Variants in BCKDHB observed in about 807,000 individuals in gnomAD.
BCKDHB encodes the protein 2-oxoisovalerate dehydrogenase subunit beta, mitochondrial.
In BCKDHB, 41 loss-of-function variants were observed where a neutral mutation model predicts 48.5. The ratio of observed to expected loss-of-function variants is 0.85; its 90% confidence interval spans 0.66 to 1.10. The LOEUF is 1.10. Among genes scored for constraint, BCKDHB ranks in the 50% least tolerant of loss-of-function variants. The probability of loss-of-function intolerance (pLI) is 0.00; values close to 1 mark genes in which losing one functional copy is unlikely to be tolerated. For synonymous variants in BCKDHB, 201 were observed against 174.8 expected, an observed-to-expected ratio of 1.15 and a Z score of -1.18; for missense variants, 496 against 494.2, an observed-to-expected ratio of 1.00 and a Z score of -0.03.
intron 8 of BCKDHB, among the ~76,000 whole-genome samples, chr6:80,221,537 A>G (rs1223549744): frequency 7.2e-5 from 11 of 151,760 alleles, no homozygotes; most frequent in African/African-American, 2.4e-4. Context: ...TAGTTTCTTT[A>G]TTGGTTTTCT....
chr6:80,149,722 A>G (rs559387643), intron 3 of BCKDHB, among the ~76,000 whole-genome samples: 6,846 of 150,528 alleles, frequency 0.045, 508 homozygotes, highest in African/African-American at 0.16. Flanking sequence ...GTAAACTATC[A>G]CAAGAACAAA....
intron 8 of BCKDHB, among the ~76,000 whole-genome samples, chr6:80,210,147 A>C (rs1021721494): frequency 2.0e-5 from 3 of 151,688 alleles, no homozygotes; most frequent in African/African-American, 4.8e-5. Flanking sequence ...AAAAAAAAAA[A>C]AAAAAAACCA....
the BCKDHB span, among the ~76,000 whole-genome samples, chr6:80,416,321 C>T: frequency 6.6e-6 from 1 of 150,810 alleles, no homozygotes; most frequent in Admixed American, 6.6e-5. Flanking sequence ...CTCCTGCTAG[C>T]TTTGGGACTT....
intron 9 of BCKDHB, among the ~76,000 whole-genome samples, chr6:80,302,477 C>A (rs577270153): frequency 1.3e-5 from 2 of 152,168 alleles, no homozygotes; most frequent in African/African-American, 4.8e-5. Context: ...CATACCTTTT[C>A]CTTTTGCAAA....
chr6:80,226,342 G>A (rs1027019077), intron 8 of BCKDHB, among the ~76,000 whole-genome samples: 1 of 152,206 alleles, frequency 6.6e-6, no homozygotes. Context: ...TCAGTAAATT[G>A]TGGTCTGTAA....
the BCKDHB span, among the ~76,000 whole-genome samples, chr6:80,379,448 A>G: frequency 6.6e-6 from 1 of 152,068 alleles, no homozygotes; most frequent in Non-Finnish European, 1.5e-5. Context: ...AACATATCTC[A>G]AAATAATAAG....
chr6:80,151,130 G>GCCT (rs1771754507), intron 3 of BCKDHB, among the ~76,000 whole-genome samples: 16 of 152,150 alleles, frequency 1.1e-4, no homozygotes, highest in African/African-American at 3.9e-4. Flanking sequence ...ATGGACTAAT[G>GCCT]GATTCACTAG....
intron 6 of BCKDHB, among the ~76,000 whole-genome samples, chr6:80,180,373 CTGGTGTAAAAAA>C (rs1416226605): frequency 6.6e-6 from 1 of 152,068 alleles, no homozygotes; most frequent in African/African-American, 2.4e-5. Flanking sequence ...AAAAATCCAG[CTGGTGTAAAAAA>C]TGTACAAAAT....
chr6:80,200,690 C>T (rs1396576553), intron 6 of BCKDHB, among the ~76,000 whole-genome samples: 1 of 151,966 alleles, frequency 6.6e-6, no homozygotes, highest in Non-Finnish European at 1.5e-5. Context: ...TCTTTAGTTT[C>T]TAAAGTTTAT....
intron 8 of BCKDHB, among the ~76,000 whole-genome samples, chr6:80,271,314 T>C (rs1777732371): frequency 6.6e-6 from 1 of 152,174 alleles, no homozygotes; most frequent in Admixed American, 6.5e-5. Context: ...CATATTGGTC[T>C]ATTTAGTCAT....
the BCKDHB span, among the ~76,000 whole-genome samples, chr6:80,360,162 G>A: frequency 1.3e-5 from 2 of 152,278 alleles, no homozygotes; most frequent in African/African-American, 4.8e-5. Context: ...TATTTCCTCA[G>A]GCTTCAAGTA....
chr6:80,112,121 T>C (rs1769442419), intron 1 of BCKDHB, among the ~76,000 whole-genome samples: 1 of 152,206 alleles, frequency 6.6e-6, no homozygotes, highest in African/African-American at 2.4e-5. Flanking sequence ...GCCAATCTGA[T>C]AGACACAACA....
the BCKDHB span, among the ~76,000 whole-genome samples, chr6:80,455,353 T>C: frequency 6.6e-6 from 1 of 151,864 alleles, no homozygotes; most frequent in Non-Finnish European, 1.5e-5. Context: ...GTTACCCTCA[T>C]TACCATTTCC....
the BCKDHB span, among the ~76,000 whole-genome samples, chr6:80,405,169 A>G: frequency 6.6e-6 from 1 of 152,214 alleles, no homozygotes; most frequent in Middle Eastern, 3.4e-3. Context: ...ATTGCTGTCT[A>G]TCTTTCCCTT....
chr6:80,195,257 C>T (rs1263995421), intron 6 of BCKDHB, among the ~76,000 whole-genome samples: 2 of 151,338 alleles, frequency 1.3e-5, no homozygotes, highest in East Asian at 1.9e-4. Context: ...TTAGATTTTT[C>T]GATAATTTAA....
At chr6:80,115,377 T>C (rs904640147) in intron 1 of BCKDHB, among the ~76,000 whole-genome samples, 18 of 152,178 alleles carry the variant, frequency 1.2e-4, no homozygotes, top group African/African-American at 4.1e-4. Flanking sequence ...TCTTATTTTA[T>C]GAAGTAGATG....
the BCKDHB span, among the ~76,000 whole-genome samples, chr6:80,458,279 C>T: frequency 1.3e-5 from 2 of 152,170 alleles, no homozygotes; most frequent in Non-Finnish European, 2.9e-5. Context: ...TCTGCAGTAA[C>T]CTAATTTCAC....
intron 3 of BCKDHB, among the ~76,000 whole-genome samples, chr6:80,138,312 C>CT (rs1208545682): frequency 3.3e-5 from 5 of 151,704 alleles, no homozygotes; most frequent in African/African-American, 1.2e-4. Flanking sequence ...TATTATTATA[C>CT]TTTAAGTTTT....
At chr6:80,460,639 G>C in the BCKDHB span, among the ~76,000 whole-genome samples, 1 of 152,026 alleles carries the variant, frequency 6.6e-6, no homozygotes, top group African/African-American at 2.4e-5. Context: ...CTGACTTAGT[G>C]GTATATTTCA....
Sources: gnomAD v4.1 joint callset for allele counts (sites outside exome capture counted in the v4.1 genomes callset) on GRCh38, gnomAD v4.1.1 for gene constraint, MANE v1.5 for transcripts, NCBI Gene and HGNC (gene_info 2026-07-23, HGNC 2026-07-21) for gene names.